Variants in HTRA4 observed in about 807,000 individuals in gnomAD.
The protein encoded by HTRA4 is HtrA serine peptidase 4.
In HTRA4, 46 loss-of-function variants were observed where a neutral mutation model predicts 49.1. That is an observed-to-expected ratio of 0.94 (90% CI 0.74 to 1.20). The LOEUF (loss-of-function observed/expected upper bound fraction) is 1.20, where lower values mean the gene tolerates loss of function less well. Ranked by LOEUF, HTRA4 falls within the 50% of genes most tolerant of loss-of-function variation. The pLI, the probability that HTRA4 is intolerant of heterozygous loss-of-function variation, is 0.00. For missense variants in HTRA4, 602 were observed against 636.9 expected (o/e 0.95, Z 0.59); for synonymous variants, 261 against 264.0 (o/e 0.99, Z 0.11).
chr8:38,977,182 C>T (rs547767210), intron 3 of HTRA4, among the ~76,000 whole-genome samples: 37 of 152,126 alleles, frequency 2.4e-4, no homozygotes, highest in Admixed American at 1.3e-3. Context: ...GTGATCCGCC[C>T]GCTTCGGCCT....
chr8:38,986,768 G>A (rs1452767855), intron 8 of HTRA4, among the ~76,000 whole-genome samples: 5 of 152,174 alleles, frequency 3.3e-5, no homozygotes, highest in Non-Finnish European at 7.3e-5. Flanking sequence ...GTTTCTGACA[G>A]GCAGAGTGAT....
chr8:38,979,019 G>T (rs533706138), intron 4 of HTRA4, among the ~76,000 whole-genome samples, 196 bp from the exon 5 acceptor site: 52 of 150,998 alleles, frequency 3.4e-4, no homozygotes, highest in Non-Finnish European at 6.1e-4. Context: ...AAATGAAGGT[G>T]GTGGTCCCAC....
chr8:38,981,267 G>C (rs1167411950), intron 5 of HTRA4, among the ~76,000 whole-genome samples: 3 of 151,054 alleles, frequency 2.0e-5, no homozygotes, highest in Admixed American at 6.6e-5. Context: ...TTTTAGTAGA[G>C]ATGGGGTTTC....
At chr8:38,975,779 G>A (rs1453279879) in intron 2 of HTRA4, among the ~76,000 whole-genome samples, 1 of 152,206 alleles carries the variant, frequency 6.6e-6, no homozygotes, top group African/African-American at 2.4e-5. Flanking sequence ...CCAGAGAGCA[G>A]GGTTAATTTG....
At chr8:38,974,942 GAACACTGTCTTGCCTTT>G in intron 1 of HTRA4, 72 bp from the exon 2 acceptor site, 1 of 1,497,162 alleles carries the variant, frequency 6.7e-7, no homozygotes, top group Non-Finnish European at 9.2e-7. Context: ...TGCACCTTTT[GAACACTGTCTTGCCTTT>G]AACATTTTTC....
chr8:38,981,761 A>T lies in HTRA4; in HGVS notation c.1108A>T (p.Met370Leu). Residue 370 changes from methionine (M) to leucine (L), a missense_variant, in exon 6 of 9, where the codon ATG (methionine) becomes TTG (leucine). Coordinates refer to ENST00000302495, the MANE Select transcript of HTRA4 (RefSeq NM_153692.4). ...CTTGGCAGAATACCATGAGCACCAGATGAAAGGTAAAGCAAGTTGGGATTT... is the reference window on the plus strand; with the variant it reads ...CTTGGCAGAATACCATGAGCACCAGTTGAAAGGTAAAGCAAGTTGGGATTT... ...QFLAEYHEHQMKGKAFSNKKY... is the reference protein window; with the variant it reads ...QFLAEYHEHQLKGKAFSNKKY... 1 of 1,604,004 alleles carries T rather than the reference A, an allele frequency of 6.2e-7. No individual in the cohort carries two copies. The highest frequency in any genetic ancestry group is 8.5e-7 in the Non-Finnish European group (1 of 1,172,656).
At chr8:38,981,531 T>C in intron 5 of HTRA4, 122 bp from the exon 6 acceptor site, 2 of 664,996 alleles carry the variant, frequency 3.0e-6, no homozygotes, top group East Asian at 2.6e-5. Context: ...AAGTACAAAG[T>C]TCCTCTCGGC....
Position 38,988,034 on chromosome 8 carries a change from C to A in HTRA4, c.1367C>A (p.Ser456Tyr), listed in dbSNP as rs1358653637. 2 of 1,612,514 alleles carry A rather than the reference C, an allele frequency of 1.2e-6. No homozygotes were observed. The highest frequency in any genetic ancestry group is 1.7e-6 in the Non-Finnish European group (2 of 1,179,616). Reference sequence around the variant, plus strand: ...AAAGCTCTTGACAGTGATTCCCTTTCCATGGCTGTTCTTCGGGGAAAAGAT... The same window carrying A: ...AAAGCTCTTGACAGTGATTCCCTTTACATGGCTGTTCTTCGGGGAAAAGAT... ...VVKALDSDSL[S>Y]MAVLRGKDNL... The change falls in exon 9 of 9, where the codon TCC (serine) becomes TAC (tyrosine). Residue 456 changes from serine to tyrosine, a missense_variant. Transcript: ENST00000302495.
rs117090709 is a variant in HTRA4 at position 38,978,329 on chromosome 8, T to C, written c.966+182T>C. 2.6e-5 allele frequency among the ~76,000 whole-genome samples: 4 copies of C among 152,264 alleles called. No individual in the cohort carries two copies. The East Asian group carries it at 7.7e-4, about 29-fold the overall frequency. ...AATTCTCATAGGAGTGCAAACCCTA[T>C]TGTGAACTGCGCATGCAAGGGATCT... On this transcript the variant is annotated intron_variant, in intron 4 of 8. Coordinates refer to ENST00000302495, the MANE Select transcript of HTRA4 (RefSeq NM_153692.4).
intron 4 of HTRA4, among the ~76,000 whole-genome samples, chr8:38,978,487 G>A (rs10112197): frequency 0.41 from 62,786 of 151,676 alleles, 13,555 homozygotes; most frequent in East Asian, 0.75. Flanking sequence ...AAAGTTTGGG[G>A]ATTGCTGACT....
intron 8 of HTRA4, among the ~76,000 whole-genome samples, chr8:38,985,973 G>C (rs1564182760): frequency 6.6e-6 from 1 of 152,166 alleles, no homozygotes; most frequent in Non-Finnish European, 1.5e-5. Context: ...AGGAGTTTGA[G>C]ACCAGCCTGA....
At chr8:38,987,850 T>G (rs1835502764) in intron 8 of HTRA4, 86 bp from the exon 9 acceptor site, 3 of 1,223,162 alleles carry the variant, frequency 2.5e-6, no homozygotes, top group Admixed American at 3.0e-5. Flanking sequence ...ATAGTGCCAT[T>G]AAGACAGAAA....
At chr8:38,987,382 A>G (rs1429165905) in intron 8 of HTRA4, among the ~76,000 whole-genome samples, 1 of 148,926 alleles carries the variant, frequency 6.7e-6, no homozygotes, top group African/African-American at 2.5e-5. Context: ...AAATATTTAG[A>G]CTCAGAAGGT....
Position 38,987,998 on chromosome 8 carries a change from C to T in HTRA4, c.1331C>T (p.Thr444Ile), listed in dbSNP as rs1329884095. The change falls in exon 9 of 9, where the codon ACT becomes ATT. Residue 444 changes from threonine (T) to isoleucine (I), a missense_variant. By Grantham distance (89) the Thr-to-Ile change is moderately conservative. Transcript: ENST00000302495. ...NINGKPITTT[T>I]DVVKALDSDS... ...AATGGGAAACCTATTACTACTACAA[C>T]TGATGTTGTTAAAGCTCTTGACAGT... is the stretch of plus-strand genomic sequence containing the variant. 1 of 1,612,050 alleles carries T rather than the reference C, an allele frequency of 6.2e-7. No homozygotes were observed. The highest frequency in any genetic ancestry group is 8.5e-7 in the Non-Finnish European group (1 of 1,179,350).
In HTRA4 at chr8:38,974,707, G is replaced by C; in HGVS notation, c.444G>C (p.Gln148His). The C allele has an allele frequency of 7.0e-7, 1 of 1,428,830 alleles. No individual in the cohort carries two copies. The highest frequency in any genetic ancestry group is 9.1e-7 in the Non-Finnish European group (1 of 1,101,402). The allele number at this position is 1,428,830 out of a possible 1,614,324, so 88.5% of individuals were successfully genotyped here. The part of the protein sequence containing the change: ...RLGKVPAVPV[Q>H]WGNCGDTGTR... ...GCAAGGTCCCGGCCGTGCCTGTGCA[G>C]TGGGGGAACTGCGGGGATACAGGTG... is the stretch of plus-strand genomic sequence containing the variant. The change falls in exon 1 of 9, where the codon CAG becomes CAC. Residue 148 changes from glutamine (Q) to histidine (H), a missense_variant. Coordinates refer to ENST00000302495, the MANE Select transcript of HTRA4 (RefSeq NM_153692.4).
In HTRA4 at chr8:38,974,535, G is replaced by T; in HGVS notation, c.272G>T (p.Gly91Val). The change falls in exon 1 of 9, where the codon GGG becomes GTG. Residue 91 changes from glycine to valine, a missense_variant. By Grantham distance (109) the Gly-to-Val change is moderately radical. Transcript: ENST00000302495. Reference protein sequence around the residue: ...GGAQGQPCAPGLQCLQPLRPG... With the variant: ...GGAQGQPCAPVLQCLQPLRPG... ...GCGCAGGGCCAACCGTGCGCCCCGG[G>T]GCTGCAGTGCCTCCAGCCGCTGCGC... The T allele has an allele frequency of 7.0e-7, 1 of 1,419,748 alleles. No individual in the cohort carries two copies. Among genetic ancestry groups the T allele is most frequent in the East Asian group, 2.9e-5 (1 of 33,968 alleles). 87.9% of individuals were successfully genotyped at this position (1,419,748 alleles called of 1,614,324 possible). A position where few individuals can be genotyped will look rare whatever the true frequency, so the allele number is the denominator to read the frequency against.
At chr8:38,986,914 A>C (rs1381581075) in intron 8 of HTRA4, among the ~76,000 whole-genome samples, 1 of 152,210 alleles carries the variant, frequency 6.6e-6, no homozygotes, top group African/African-American at 2.4e-5. Context: ...GGTTATTAGT[A>C]ATAATTTGCA....
At chr8:38,979,986 T>G (rs1000349657) in intron 5 of HTRA4, among the ~76,000 whole-genome samples, 5 of 152,214 alleles carry the variant, frequency 3.3e-5, no homozygotes, top group Non-Finnish European at 7.3e-5. Flanking sequence ...CTTGACCTGC[T>G]TATAGATGAG....
chr8:38,986,508 A>G (rs973861402), intron 8 of HTRA4, among the ~76,000 whole-genome samples: 2 of 152,140 alleles, frequency 1.3e-5, no homozygotes, highest in African/African-American at 2.4e-5. Flanking sequence ...ACCTCAGGTG[A>G]TCCACACGCC....
Sources: allele counts gnomAD v4.1 joint callset (sites outside exome capture counted in the v4.1 genomes callset), GRCh38; gene constraint gnomAD v4.1.1; transcripts MANE v1.5; gene names NCBI Gene and HGNC (gene_info 2026-07-23, HGNC 2026-07-21).